Variants in ST6GALNAC3 observed in about 807,000 individuals in gnomAD.
ST6GALNAC3 encodes the protein ST6 N-acetylgalactosaminide alpha-2,6-sialyltransferase 3, also known as alpha-N-acetylgalactosaminide alpha-2,6-sialyltransferase 3.
In ST6GALNAC3, 25 loss-of-function variants were observed where a neutral mutation model predicts 32.7. The ratio of observed to expected loss-of-function variants is 0.76; its 90% CI spans 0.56 to 1.07. The LOEUF is 1.07. Ranked by LOEUF, ST6GALNAC3 falls within the 50% of genes least tolerant of loss-of-function variation. The pLI is 0.00. For synonymous variants in ST6GALNAC3, 129 were observed against 133.1 expected (o/e 0.97, Z 0.21); for missense variants, 355 against 382.4 (o/e 0.93, Z 0.60).
chr1:76,338,563 T>C (rs1352561440), intron 2 of ST6GALNAC3, among the ~76,000 whole-genome samples: 1 of 152,150 alleles, frequency 6.6e-6, no homozygotes, highest in East Asian at 1.9e-4. Context: ...ACGGGGCTTA[T>C]TTTGCACCCA....
intron 1 of ST6GALNAC3, among the ~76,000 whole-genome samples, chr1:76,124,216 G>A (rs1307168087): frequency 2.0e-5 from 3 of 152,124 alleles, no homozygotes; most frequent in East Asian, 1.9e-4. Context: ...AATTCATCTC[G>A]TGCCTGCCCT....
chr1:76,536,243 C>G (rs1370991823), intron 3 of ST6GALNAC3, among the ~76,000 whole-genome samples: 1 of 152,082 alleles, frequency 6.6e-6, no homozygotes, highest in Non-Finnish European at 1.5e-5. Flanking sequence ...CTCACAAACA[C>G]TGGAGTAAAT....
At chr1:76,590,923 G>T (rs1004200867) in intron 3 of ST6GALNAC3, among the ~76,000 whole-genome samples, 5 of 152,144 alleles carry the variant, frequency 3.3e-5, no homozygotes, top group African/African-American at 1.2e-4. Flanking sequence ...TATGCATTGA[G>T]AGTCTCCTGT....
In ST6GALNAC3 at chr1:76,472,473, T is replaced by A. The variant is rs915293710; in HGVS notation, c.623+60056T>A. On this transcript the variant is annotated intron_variant, in intron 3 of 4. Coordinates refer to ENST00000328299, the MANE Select transcript of ST6GALNAC3 (RefSeq NM_152996.4). ...GGAAGTGGTGAAGGCAGAAGCCAGA[T>A]GACAGTGGATGAACAGTTGACTCAG... is the stretch of plus-strand genomic sequence containing the variant. Among the ~76,000 whole-genome samples the A allele has an allele frequency of 3.9e-5, 6 of 152,082 alleles. No homozygotes were observed. The South Asian group carries it at 1.2e-3, about 32-fold the overall frequency.
intron 3 of ST6GALNAC3, among the ~76,000 whole-genome samples, chr1:76,578,937 T>A (rs994422366): frequency 6.6e-6 from 1 of 152,046 alleles, no homozygotes; most frequent in Non-Finnish European, 1.5e-5. Flanking sequence ...GACATACATA[T>A]ATTCTACACA....
At chr1:76,202,102 T>C (rs1402181587) in intron 1 of ST6GALNAC3, among the ~76,000 whole-genome samples, 1 of 152,088 alleles carries the variant, frequency 6.6e-6, no homozygotes, top group East Asian at 1.9e-4. Flanking sequence ...GTGTATTTTC[T>C]GGCTACAATC....
intron 1 of ST6GALNAC3, among the ~76,000 whole-genome samples, chr1:76,250,054 C>G (rs1288805088): frequency 6.6e-6 from 1 of 152,036 alleles, no homozygotes; most frequent in Non-Finnish European, 1.5e-5. Flanking sequence ...TTATGTTTGT[C>G]TTTTCACTTC....
intron 1 of ST6GALNAC3, among the ~76,000 whole-genome samples, chr1:76,174,297 A>G (rs1652709354): frequency 6.6e-6 from 1 of 152,180 alleles, no homozygotes; most frequent in Non-Finnish European, 1.5e-5. Flanking sequence ...GAGTGGAACA[A>G]TGTGCACTAA....
At chr1:76,597,824 T>C (rs1647161890) in intron 3 of ST6GALNAC3, among the ~76,000 whole-genome samples, 3 of 152,156 alleles carry the variant, frequency 2.0e-5, no homozygotes. Flanking sequence ...TTCCAATGAA[T>C]CATTCCTAAT....
intron 1 of ST6GALNAC3, among the ~76,000 whole-genome samples, chr1:76,209,247 C>T (rs974436169): frequency 6.6e-6 from 1 of 152,144 alleles, no homozygotes; most frequent in Middle Eastern, 3.2e-3. Context: ...ACTTGGAGTG[C>T]TTCTTGAAGC....
intron 3 of ST6GALNAC3, among the ~76,000 whole-genome samples, chr1:76,541,179 T>C (rs1467862344): frequency 3.9e-5 from 6 of 152,188 alleles, no homozygotes; most frequent in Non-Finnish European, 4.4e-5. Flanking sequence ...AAGATGAGTC[T>C]CTAGAAGTCG....
chr1:76,465,566 A>C (rs537684758), intron 3 of ST6GALNAC3, among the ~76,000 whole-genome samples: 1 of 152,296 alleles, frequency 6.6e-6, no homozygotes, highest in African/African-American at 2.4e-5. Context: ...TCTTCTTTCT[A>C]GTTCCTTGGG....
At chr1:76,420,273 T>C (rs1654942911) in intron 3 of ST6GALNAC3, among the ~76,000 whole-genome samples, 1 of 152,094 alleles carries the variant, frequency 6.6e-6, no homozygotes, top group Non-Finnish European at 1.5e-5. Context: ...AGACATTCAT[T>C]TTTTCTTGAA....
chr1:76,631,188 T>G lies in ST6GALNAC3; in HGVS notation c.*2382T>G. 1 of 230,302 alleles carries G rather than the reference T, an allele frequency of 4.3e-6. No homozygotes were observed. The allele number at this position is 230,302 out of a possible 1,614,324, so 14.3% of individuals were successfully genotyped here. ...TTAGGAGGGGTGGGAAAGGGCTTTC[T>G]TTCCTCTCCTCTCCTCTCGTCTCCT... is the stretch of plus-strand genomic sequence containing the variant. On this transcript the variant is annotated 3_prime_UTR_variant, in exon 5 of 5. Coordinates refer to ENST00000328299, the MANE Select transcript of ST6GALNAC3 (RefSeq NM_152996.4).
At chr1:76,263,711 C>G (rs1658372699) in intron 1 of ST6GALNAC3, among the ~76,000 whole-genome samples, 1 of 152,232 alleles carries the variant, frequency 6.6e-6, no homozygotes. Flanking sequence ...TTTTGCTCCT[C>G]TGAACACTGT....
chr1:76,551,341 G>C (rs1664625215), intron 3 of ST6GALNAC3, among the ~76,000 whole-genome samples: 3 of 152,148 alleles, frequency 2.0e-5, no homozygotes, highest in Admixed American at 2.0e-4. Flanking sequence ...CCGTAAACTT[G>C]ACATAACTTT....
chr1:76,585,363 G>A (rs1287995526), intron 3 of ST6GALNAC3, among the ~76,000 whole-genome samples: 1 of 150,844 alleles, frequency 6.6e-6, no homozygotes, highest in Non-Finnish European at 1.5e-5. Flanking sequence ...TCCAGTCTGG[G>A]TGACAGAGTG....
chr1:76,375,155 C>A (rs1296972623), intron 2 of ST6GALNAC3, among the ~76,000 whole-genome samples: 1 of 152,040 alleles, frequency 6.6e-6, no homozygotes, highest in Non-Finnish European at 1.5e-5. Context: ...TAGAGTATAC[C>A]CCATGTTATT....
At chr1:76,154,063 A>G (rs1450890398) in intron 1 of ST6GALNAC3, among the ~76,000 whole-genome samples, 1 of 152,192 alleles carries the variant, frequency 6.6e-6, no homozygotes, top group African/African-American at 2.4e-5. Flanking sequence ...AACACTGATC[A>G]GGAGAGACAT....
Sources: allele counts gnomAD v4.1 joint callset (sites outside exome capture counted in the v4.1 genomes callset), GRCh38; gene constraint gnomAD v4.1.1; transcripts MANE v1.5; gene names NCBI Gene and HGNC (gene_info 2026-07-23, HGNC 2026-07-21).